Variants in ELOVL6 observed in about 807,000 individuals in gnomAD.
ELOVL6 encodes ELOVL fatty acid elongase 6.
A neutral mutation model predicts 31.7 loss-of-function variants in ELOVL6; 8 were observed. That is an observed-to-expected ratio of 0.25 (90% CI 0.15 to 0.45). The LOEUF is 0.45. ELOVL6 is among the 20% of genes least tolerant of loss of function. The probability of loss-of-function intolerance (pLI) is 1.00; values close to 1 mark genes in which losing one functional copy is unlikely to be tolerated. For missense variants in ELOVL6, 126 were observed against 326.4 expected (o/e 0.39, Z 4.73); for synonymous variants, 101 against 117.7 (o/e 0.86, Z 0.92).
chr4:110,092,865 T>A (rs985863216), intron 2 of ELOVL6, among the ~76,000 whole-genome samples: 1 of 152,120 alleles, frequency 6.6e-6, no homozygotes, highest in African/African-American at 2.4e-5. Context: ...TGTGGAGGAT[T>A]TATGAGATAA....
chr4:110,064,568 A>G (rs945125161), intron 2 of ELOVL6, among the ~76,000 whole-genome samples: 1 of 152,098 alleles, frequency 6.6e-6, no homozygotes, highest in Non-Finnish European at 1.5e-5. Context: ...GACTCAAGTG[A>G]TCCTCCTGCC....
chr4:110,103,363 C>CG (rs1756803818), intron 2 of ELOVL6, among the ~76,000 whole-genome samples: 1 of 151,822 alleles, frequency 6.6e-6, no homozygotes, highest in Non-Finnish European at 1.5e-5. Context: ...ACATCAAAAT[C>CG]ATATCTCAAA....
In ELOVL6 at chr4:110,198,557, C is replaced by T. The variant is rs572760115; in HGVS notation, c.-222G>A. The stretch of plus-strand genomic sequence containing the variant: ...GCTCCCAGCTCCTCTCTCTGGGGCT[C>T]TCCTCCTCCCGGCGTCCGCATCCAC... On this transcript the variant is annotated 5_prime_UTR_variant, in exon 1 of 4. Transcript: ENST00000302274. 6 of 487,450 alleles carry T rather than the reference C, an allele frequency of 1.2e-5. No individual in the cohort carries two copies. The highest frequency in any genetic ancestry group is 1.1e-4 in the Admixed American group (3 of 26,602). 30.2% of individuals were successfully genotyped at this position (487,450 alleles called of 1,614,324 possible).
At chr4:110,081,432 A>T (rs934089339) in intron 2 of ELOVL6, among the ~76,000 whole-genome samples, 44 of 152,330 alleles carry the variant, frequency 2.9e-4, no homozygotes, top group African/African-American at 1.1e-3. Context: ...CCTCAGAAAT[A>T]ATGCCACATA....
intron 1 of ELOVL6, among the ~76,000 whole-genome samples, chr4:110,107,979 G>T (rs1453775300): frequency 6.6e-6 from 1 of 152,064 alleles, no homozygotes; most frequent in African/African-American, 2.4e-5. Context: ...ACTTTCAGAA[G>T]AAAAAGGGGT....
intron 1 of ELOVL6, among the ~76,000 whole-genome samples, chr4:110,189,318 G>A (rs1759538746): frequency 6.6e-6 from 1 of 151,936 alleles, no homozygotes; most frequent in Non-Finnish European, 1.5e-5. Context: ...TAGACGCAGT[G>A]GCTCACGCCT....
rs570170830 is a variant in ELOVL6 at position 110,049,488 on chromosome 4, A to T, written c.*1850T>A. 11 of 152,758 alleles carry T rather than the reference A, an allele frequency of 7.2e-5. No individual in the cohort carries two copies. Among genetic ancestry groups the T allele is most frequent in the African/African-American group, 2.6e-4 (11 of 41,568 alleles). 9.5% of individuals were successfully genotyped at this position (152,758 alleles called of 1,614,324 possible). On this transcript the variant is annotated 3_prime_UTR_variant, in exon 4 of 4. Coordinates refer to ENST00000302274, the MANE Select transcript of ELOVL6 (RefSeq NM_024090.3). The stretch of plus-strand genomic sequence containing the variant: ...CAGAAAAGCAGAGCAGCTCTGTTTC[A>T]TGAACGACAGCACAATTAAAGCTAA...
rs1189070279 is a variant in ELOVL6, at chr4:110,048,853, C to T, written c.*2485G>A. On this transcript the variant is annotated 3_prime_UTR_variant, in exon 4 of 4. Coordinates refer to ENST00000302274, the MANE Select transcript of ELOVL6 (RefSeq NM_024090.3). ...TATTTTACAAGTAAAGACAAACAAA[C>T]ATGAACCTAATACCAAAATGAAAGT... The T allele has an allele frequency of 1.3e-5, 2 of 152,148 alleles. No individual in the cohort carries two copies. Among genetic ancestry groups the T allele is most frequent in the Non-Finnish European group, 2.9e-5 (2 of 68,006 alleles). The allele number at this position is 152,148 out of a possible 1,614,324, so 9.4% of individuals were successfully genotyped here. A position where few individuals can be genotyped will look rare whatever the true frequency, so the allele number is the denominator to read the frequency against.
At chr4:110,166,098 C>T (rs1186655442) in intron 1 of ELOVL6, among the ~76,000 whole-genome samples, 1 of 152,128 alleles carries the variant, frequency 6.6e-6, no homozygotes, top group African/African-American at 2.4e-5. Context: ...GTCAGCCTTC[C>T]CCTGGGTACT....
At chr4:110,165,353 CT>C (rs1274898049) in intron 1 of ELOVL6, among the ~76,000 whole-genome samples, 1 of 152,172 alleles carries the variant, frequency 6.6e-6, no homozygotes, top group Non-Finnish European at 1.5e-5. Flanking sequence ...TCCTTCCTGT[CT>C]AGCAGACCTA....
rs188475952 is a variant in ELOVL6 at position 110,050,867 on chromosome 4, T to C, written c.*471A>G. ...AGATATACACCCTGTGTCTCTTTCA[T>C]TTTTGTCTTTTCTATTGGCTCCAGT... On this transcript the variant is annotated 3_prime_UTR_variant, in exon 4 of 4. Transcript: ENST00000302274. 74 of 162,856 alleles carry C rather than the reference T, an allele frequency of 4.5e-4. 1 individual carries two copies. In the East Asian group the frequency reaches 0.012, roughly 26 times the overall value. The allele number at this position is 162,856 out of a possible 1,614,324, so 10.1% of individuals were successfully genotyped here. A position where few individuals can be genotyped will look rare whatever the true frequency, so the allele number is the denominator to read the frequency against.
intron 2 of ELOVL6, among the ~76,000 whole-genome samples, chr4:110,090,595 ACTTT>A (rs1756390832): frequency 1.2e-5 from 1 of 84,084 alleles, no homozygotes; most frequent in South Asian, 3.3e-4. Context: ...GGAAAGTTTG[ACTTT>A]CTTTTTTTTT....
chr4:110,059,528 T>G (rs1444656605), intron 3 of ELOVL6, 75 bp downstream of exon 3: 6 of 1,467,566 alleles, frequency 4.1e-6, no homozygotes. Flanking sequence ...TTCAAAATGT[T>G]TCTTTGCTCA....
At chr4:110,093,048 G>A (rs758729246) in intron 2 of ELOVL6, 1 of 427,740 alleles carries the variant, frequency 2.3e-6, no homozygotes, top group Non-Finnish European at 4.6e-6. Flanking sequence ...AAAGAGCTAT[G>A]GTATTCCAGC....
intron 1 of ELOVL6, chr4:110,146,343 A>C (rs1182767282): frequency 2.6e-5 from 4 of 152,216 alleles, no homozygotes; most frequent in Non-Finnish European, 5.9e-5. Context: ...TTGGAAATGG[A>C]TTTAAGAGCT....
At chr4:110,078,566 C>A (rs1755726677) in intron 2 of ELOVL6, among the ~76,000 whole-genome samples, 1 of 152,146 alleles carries the variant, frequency 6.6e-6, no homozygotes. Context: ...ATCAGGCCTG[C>A]CCTAAAAGAG....
In ELOVL6 at chr4:110,084,299, TATATAAC is replaced by T. The variant is rs1455053396; in HGVS notation, c.221+21191_221+21197del. On this transcript the variant is annotated intron_variant, in intron 2 of 3. Transcript: ENST00000302274. ...TATAACATATATAACTTATATATGATATATAACATATAACATATATAAATTTGATATA... is the reference window on the plus strand; with the variant it reads ...TATAACATATATAACTTATATATGATATATAACATATATAAATTTGATATA... 1.4e-4 allele frequency among the ~76,000 whole-genome samples: 14 copies of T among 97,754 alleles called. 1 individual carries two copies. The highest frequency in any genetic ancestry group is 8.3e-3 in the Middle Eastern group (1 of 120). The allele number at this position is 97,754 out of a possible 152,430, so 64.1% of individuals were successfully genotyped here. A position where few individuals can be genotyped will look rare whatever the true frequency, so the allele number is the denominator to read the frequency against.
intron 1 of ELOVL6, among the ~76,000 whole-genome samples, chr4:110,116,455 C>T (rs1205337272): frequency 3.9e-5 from 6 of 152,176 alleles, no homozygotes; most frequent in Admixed American, 1.3e-4. Context: ...TTAAGCAACT[C>T]ATTAACATGT....
At chr4:110,193,736 T>A (rs1223997510) in intron 1 of ELOVL6, among the ~76,000 whole-genome samples, 2 of 152,210 alleles carry the variant, frequency 1.3e-5, no homozygotes, top group Non-Finnish European at 2.9e-5. Flanking sequence ...TTATAGACTC[T>A]ATAATACAGA....
Sources: gnomAD v4.1 joint callset for allele counts (sites outside exome capture counted in the v4.1 genomes callset) on GRCh38, gnomAD v4.1.1 for gene constraint, MANE v1.5 for transcripts, NCBI Gene and HGNC (gene_info 2026-07-23, HGNC 2026-07-21) for gene names.